The following ETNK1 variants were observed in gnomAD, a reference collection of about 807,000 sequenced individuals.
The protein encoded by ETNK1 is ethanolamine kinase 1.
In ETNK1, 8 loss-of-function variants were observed where a neutral mutation model predicts 45.1. The observed-to-expected ratio is 0.18, with a 90% CI of 0.10 to 0.32. The LOEUF (loss-of-function observed/expected upper bound fraction) is 0.32. ETNK1 is among the 10% of genes least tolerant of loss of function. The pLI is 1.00. For synonymous variants in ETNK1, 152 were observed against 151.9 expected (o/e 1.00, Z -0.01); for missense variants, 302 against 430.6 (o/e 0.70, Z 2.64).
In ETNK1 at chr12:22,689,398, A is replaced by G. The variant is rs1230869935; in HGVS notation, c.*4444A>G. ...GCAGGGTTAAAAATATTGTATCTGTATTCATTGTGAATCCTGTAGCTTTTC... is the reference window on the plus strand; with the variant it reads ...GCAGGGTTAAAAATATTGTATCTGTGTTCATTGTGAATCCTGTAGCTTTTC... On this transcript the variant is annotated 3_prime_UTR_variant, in exon 8 of 8. Transcript: ENST00000266517. 6.6e-6 allele frequency: 1 copy of G among 151,924 alleles called. No homozygotes were observed. Among genetic ancestry groups the G allele is most frequent in the African/African-American group, 2.4e-5 (1 of 41,432 alleles). The allele number at this position is 151,924 out of a possible 1,614,324, so 9.4% of individuals were successfully genotyped here.
rs370316713 is a variant in ETNK1 at position 22,659,061 on chromosome 12, A to G, written c.464A>G (p.Asn155Ser). The part of the protein sequence containing the change: ...LAKIHAIHAH[N>S]GWIPKSNLWL... ...AAAATCCATGCTATTCATGCACACA[A>G]TGGCTGGATCCCCAAATCTAATCTT... The change falls in exon 3 of 8, where the codon AAT becomes AGT. Residue 155 changes from asparagine to serine, a missense_variant. Around this residue, in one of 3 missense-constraint regions of ETNK1, gnomAD observed 205 missense variants for 259.9 expected, o/e 0.79. Transcript: ENST00000266517. 1.1e-5 allele frequency: 18 copies of G among 1,613,856 alleles called. No individual in the cohort carries two copies. The highest frequency in any genetic ancestry group is 3.3e-5 in the Admixed American group (2 of 59,990).
At chr12:22,683,547 A>T (rs1347274804) in intron 6 of ETNK1, among the ~76,000 whole-genome samples, 3 of 152,196 alleles carry the variant, frequency 2.0e-5, no homozygotes, top group African/African-American at 7.2e-5. Context: ...CTCGTAAATG[A>T]TAGATCTGAC....
chr12:22,682,815 A>G (rs1284045755), intron 6 of ETNK1, among the ~76,000 whole-genome samples: 3 of 152,214 alleles, frequency 2.0e-5, no homozygotes, highest in Admixed American at 6.5e-5. Context: ...GGCAAGTAAC[A>G]TATCAGTATA....
intron 2 of ETNK1, among the ~76,000 whole-genome samples, chr12:22,644,892 G>C (rs919857888): frequency 6.6e-6 from 1 of 151,852 alleles, no homozygotes; most frequent in Non-Finnish European, 1.5e-5. Flanking sequence ...CGGATGGCCC[G>C]GGGCTCCCTG....
chr12:22,642,576 T>C (rs1295041619), intron 1 of ETNK1, among the ~76,000 whole-genome samples: 2 of 151,560 alleles, frequency 1.3e-5, no homozygotes, highest in East Asian at 3.8e-4. Flanking sequence ...GTTAGTTGTA[T>C]ATTATTAATA....
At chr12:22,627,749 G>A (rs1188465217) in intron 1 of ETNK1, among the ~76,000 whole-genome samples, 1 of 151,902 alleles carries the variant, frequency 6.6e-6, no homozygotes, top group East Asian at 1.9e-4. Flanking sequence ...AATGTAGCCT[G>A]TTTTTTTCTC....
chr12:22,667,131 G>A (rs939499603), intron 4 of ETNK1, among the ~76,000 whole-genome samples: 1 of 152,126 alleles, frequency 6.6e-6, no homozygotes, highest in African/African-American at 2.4e-5. Context: ...TAAATGAACT[G>A]TAAAAACCTG....
chr12:22,644,184 T>C (rs774959893), intron 2 of ETNK1, 162 bp downstream of exon 2: 3 of 1,561,786 alleles, frequency 1.9e-6, no homozygotes, highest in African/African-American at 1.4e-5. Context: ...CCTAAAAAGA[T>C]AGAAGTAAAT....
intron 2 of ETNK1, chr12:22,644,456 T>A: frequency 3.2e-6 from 3 of 930,788 alleles, no homozygotes; most frequent in Non-Finnish European, 4.2e-6. Flanking sequence ...ATTTAATATA[T>A]TATGTTTTCT....
rs1003697451 is a variant in ETNK1, at chr12:22,690,221, C to A, written c.*5267C>A. On this transcript the variant is annotated 3_prime_UTR_variant, in exon 8 of 8. Coordinates refer to ENST00000266517, the MANE Select transcript of ETNK1 (RefSeq NM_018638.5). Reference sequence around the variant, plus strand: ...TCTCAGCACTGAAAATGTATTGATACCTCTTAAATGAATGCAACTTTTGAT... The same window carrying A: ...TCTCAGCACTGAAAATGTATTGATAACTCTTAAATGAATGCAACTTTTGAT... The A allele has an allele frequency of 6.6e-6, 1 of 152,426 alleles. No individual in the cohort carries two copies. Among genetic ancestry groups the A allele is most frequent in the African/African-American group, 2.4e-5 (1 of 41,426 alleles). 9.4% of individuals were successfully genotyped at this position (152,426 alleles called of 1,614,324 possible).
chr12:22,674,993 T>G (rs933677847), intron 6 of ETNK1, among the ~76,000 whole-genome samples: 3 of 152,240 alleles, frequency 2.0e-5, no homozygotes, highest in Admixed American at 6.5e-5. Context: ...GAAGGCCAAA[T>G]AAGATGTACA....
chr12:22,654,993 A>C (rs562302560), intron 2 of ETNK1, among the ~76,000 whole-genome samples: 2 of 152,172 alleles, frequency 1.3e-5, no homozygotes, highest in South Asian at 2.1e-4. Flanking sequence ...TTTGAAACGT[A>C]GTTTCACTCT....
At chr12:22,641,856 C>G (rs1203313659) in intron 1 of ETNK1, among the ~76,000 whole-genome samples, 1 of 152,096 alleles carries the variant, frequency 6.6e-6, no homozygotes, top group African/African-American at 2.4e-5. Flanking sequence ...AAAGTTAGGG[C>G]TAGTGTCATT....
intron 1 of ETNK1, among the ~76,000 whole-genome samples, chr12:22,639,124 A>G (rs2137527989): frequency 6.6e-6 from 1 of 152,152 alleles, no homozygotes; most frequent in East Asian, 1.9e-4. Flanking sequence ...GCTATTGACT[A>G]TTTATTGGTG....
At chr12:22,647,995 C>T (rs979380487) in intron 2 of ETNK1, among the ~76,000 whole-genome samples, 2 of 151,766 alleles carry the variant, frequency 1.3e-5, no homozygotes, top group African/African-American at 4.8e-5. Context: ...CTTATATATA[C>T]AAAACATAAA....
intron 6 of ETNK1, among the ~76,000 whole-genome samples, chr12:22,683,714 T>G (rs1290695654): frequency 2.0e-5 from 3 of 152,144 alleles, no homozygotes; most frequent in Non-Finnish European, 2.9e-5. Context: ...GAATACTTTT[T>G]TGTTAGAGCC....
intron 2 of ETNK1, among the ~76,000 whole-genome samples, chr12:22,652,232 A>G (rs562192115): frequency 2.6e-5 from 4 of 152,352 alleles, no homozygotes; most frequent in South Asian, 2.1e-4. Context: ...TTGTATTTAT[A>G]TACTACGTTT....
chr12:22,662,896 A>G (rs1397804048), intron 4 of ETNK1, among the ~76,000 whole-genome samples: 1 of 152,206 alleles, frequency 6.6e-6, no homozygotes, highest in Non-Finnish European at 1.5e-5. Flanking sequence ...GCTGACTTTC[A>G]CTTTAAGAAA....
intron 1 of ETNK1, among the ~76,000 whole-genome samples, chr12:22,636,021 G>A (rs1197744885): frequency 6.6e-6 from 1 of 152,122 alleles, no homozygotes; most frequent in East Asian, 1.9e-4. Context: ...AATGCAAAAA[G>A]TTAGTGGTGA....
Sources: allele counts gnomAD v4.1 joint callset (sites outside exome capture counted in the v4.1 genomes callset), GRCh38; gene constraint gnomAD v4.1.1; regional missense constraint gnomAD v4.1.1; transcripts MANE v1.5; gene names NCBI Gene and HGNC (gene_info 2026-07-23, HGNC 2026-07-21).